NCAPG2: variants seen among roughly 807,000 people sequenced by gnomAD.
The protein encoded by NCAPG2 is non-SMC condensin II complex subunit G2, also known as condensin-2 complex subunit G2.
Under a neutral mutation model 141.1 loss-of-function variants are expected in NCAPG2, and 53 were observed. That is an observed-to-expected ratio of 0.38 (90% CI 0.30 to 0.47). The LOEUF (loss-of-function observed/expected upper bound fraction) is 0.47, where lower values mean the gene tolerates loss of function less well. NCAPG2 is among the 20% of genes least tolerant of loss of function. The pLI is 0.99. For synonymous variants in NCAPG2, 499 were observed against 490.7 expected (o/e 1.02, Z -0.22); for missense variants, 1,087 against 1,389.0 (o/e 0.78, Z 3.46).
At chr7:158,692,515 G>T (rs552513683) in intron 4 of NCAPG2, among the ~76,000 whole-genome samples, 59 of 152,286 alleles carry the variant, frequency 3.9e-4, no homozygotes, top group African/African-American at 1.4e-3. Flanking sequence ...GCTGAGACGG[G>T]TGGATCACCT....
rs572646009 is a variant in NCAPG2, at chr7:158,653,141, G to A, written c.2747-661C>T. 3.3e-4 allele frequency among the ~76,000 whole-genome samples: 50 copies of A among 152,058 alleles called. No homozygotes were observed. The East Asian group carries it at 8.3e-3, about 25-fold the overall frequency. The stretch of plus-strand genomic sequence containing the variant: ...CCCAGCACCTTGAAAGGCCAAGGTG[G>A]GTGGATCACTTGAGTTTGAGACCAG... On this transcript the variant is annotated intron_variant, in intron 22 of 27. Transcript: ENST00000356309.
chr7:158,653,978 CAG>C (rs1563513607), intron 22 of NCAPG2, among the ~76,000 whole-genome samples: 1 of 151,834 alleles, frequency 6.6e-6, no homozygotes, highest in Non-Finnish European at 1.5e-5. Flanking sequence ...GGCTAGGCGT[CAG>C]GGGCCAGGGA....
chr7:158,642,038 T>C (rs971371630), intron 27 of NCAPG2, among the ~76,000 whole-genome samples: 5 of 151,708 alleles, frequency 3.3e-5, no homozygotes. Flanking sequence ...ACAGAAACAA[T>C]ACAATGTCTG....
chr7:158,650,714 T>C, intron 24 of NCAPG2, 118 bp downstream of exon 24: 2 of 1,336,610 alleles, frequency 1.5e-6, no homozygotes, highest in Non-Finnish European at 2.0e-6. Flanking sequence ...CACCACTCAC[T>C]CAAGTTTGAA....
chr7:158,672,854 C>G (rs560180090), intron 12 of NCAPG2, among the ~76,000 whole-genome samples: 1 of 152,310 alleles, frequency 6.6e-6, no homozygotes, highest in Non-Finnish European at 1.5e-5. Context: ...CCTGCCATAA[C>G]ACTGTGTTCT....
At chr7:158,667,205 C>G in intron 13 of NCAPG2, 2 of 985,460 alleles carry the variant, frequency 2.0e-6, no homozygotes, top group Non-Finnish European at 2.4e-6. Context: ...GAAACGCAAA[C>G]GTTCTGCCTT....
chr7:158,667,402 GCC>G (rs1218486706), intron 13 of NCAPG2, among the ~76,000 whole-genome samples: 6 of 21,568 alleles, frequency 2.8e-4, no homozygotes, highest in Admixed American at 4.9e-4. Flanking sequence ...GGGTCCCTCC[GCC>G]CTCCTTACCC....
intron 24 of NCAPG2, among the ~76,000 whole-genome samples, chr7:158,648,496 T>TG (rs1554551592): frequency 9.4e-6 from 1 of 106,536 alleles, no homozygotes; most frequent in Admixed American, 9.1e-5. Context: ...TCAAATGGAC[T>TG]AAAAAAAAAA....
chr7:158,637,144 T>C (rs186280185), intron 27 of NCAPG2, among the ~76,000 whole-genome samples: 2,447 of 152,236 alleles, frequency 0.016, 63 homozygotes, highest in African/African-American at 0.054. Flanking sequence ...AGACGGGGTT[T>C]CACCGTGTTA....
Position 158,662,187 on chromosome 7 carries a change from G to C in NCAPG2, c.1989+7C>G, listed in dbSNP as rs780372366. On this transcript the variant is annotated splice_region_variant and intron_variant, in intron 16 of 27. Transcript: ENST00000356309. ...TACCTTGCTTACAAGTATAGTTCAA[G>C]ACTTACCTTAAATACTTTCAGATAC... 1 of 1,599,822 alleles carries C rather than the reference G, an allele frequency of 6.3e-7. No homozygotes were observed. Among genetic ancestry groups the C allele is most frequent in the Non-Finnish European group, 8.5e-7 (1 of 1,175,984 alleles).
chr7:158,647,479 T>C (rs1304444879), intron 24 of NCAPG2, among the ~76,000 whole-genome samples: 1 of 152,254 alleles, frequency 6.6e-6, no homozygotes, highest in East Asian at 1.9e-4. Flanking sequence ...ATCAGCCTTG[T>C]GAGCTTCGAT....
intron 27 of NCAPG2, among the ~76,000 whole-genome samples, chr7:158,642,572 G>A (rs1830722734): frequency 7.1e-6 from 1 of 141,358 alleles, no homozygotes; most frequent in Non-Finnish European, 1.5e-5. Context: ...GAAGAAAAAG[G>A]ACAAAAAGAT....
chr7:158,685,972 G>T (rs1834730910), intron 8 of NCAPG2, among the ~76,000 whole-genome samples, 200 bp downstream of exon 8: 1 of 152,192 alleles, frequency 6.6e-6, no homozygotes, highest in Non-Finnish European at 1.5e-5. Context: ...CTCCCTCCCA[G>T]CTGAAAGAGC....
At chr7:158,677,774 C>G (rs575938664) in intron 11 of NCAPG2, among the ~76,000 whole-genome samples, 4 of 152,306 alleles carry the variant, frequency 2.6e-5, no homozygotes, top group African/African-American at 9.6e-5. Context: ...ACTTGCAATG[C>G]TGTTTCTGTC....
chr7:158,680,258 T>C (rs1834364749), intron 10 of NCAPG2, among the ~76,000 whole-genome samples, 173 bp from the exon 11 acceptor site: 1 of 152,150 alleles, frequency 6.6e-6, no homozygotes, highest in African/African-American at 2.4e-5. Flanking sequence ...TGTCAACAGA[T>C]ACTATGAAAA....
In NCAPG2 at chr7:158,689,904, A is replaced by G. The variant is rs1835015012; in HGVS notation, c.587T>C (p.Phe196Ser). The G allele has an allele frequency of 1.2e-6, 2 of 1,606,474 alleles. No individual in the cohort carries two copies. The highest frequency in any genetic ancestry group is 1.1e-5 in the South Asian group (1 of 89,240). The change falls in exon 6 of 28, where the codon TTT becomes TCT. Residue 196 changes from phenylalanine to serine, a missense_variant. By Grantham distance (155) the Phe-to-Ser change is radical. Coordinates refer to ENST00000356309, the MANE Select transcript of NCAPG2 (RefSeq NM_017760.7). ...LWRIHQALYC[F>S]DYDLEESGEI... ...TCCACTTTCCTCCAAATCATAATCAAAGCAATATAAAGCTTGATGGATACG... is the reference window on the plus strand; with the variant it reads ...TCCACTTTCCTCCAAATCATAATCAGAGCAATATAAAGCTTGATGGATACG...
At chr7:158,644,910 C>G (rs1830897548) in intron 26 of NCAPG2, among the ~76,000 whole-genome samples, 2 of 152,242 alleles carry the variant, frequency 1.3e-5, no homozygotes, top group Admixed American at 1.3e-4. Flanking sequence ...AGAAGCACTC[C>G]CTATCTACAA....
chr7:158,637,924 A>G (rs1304717757), intron 27 of NCAPG2, among the ~76,000 whole-genome samples: 1 of 152,114 alleles, frequency 6.6e-6, no homozygotes, highest in Non-Finnish European at 1.5e-5. Flanking sequence ...CGGGCGGATC[A>G]CTTGAGGCCA....
intron 8 of NCAPG2, 50 bp from the exon 9 acceptor site, chr7:158,683,436 G>C: frequency 7.3e-7 from 1 of 1,376,086 alleles, no homozygotes; most frequent in Non-Finnish European, 1.0e-6. Context: ...GTGTCCTACT[G>C]ACGACCTGAC....
Sources: gnomAD v4.1 joint callset for allele counts (sites outside exome capture counted in the v4.1 genomes callset) on GRCh38, gnomAD v4.1.1 for gene constraint, MANE v1.5 for transcripts, NCBI Gene and HGNC (gene_info 2026-07-23, HGNC 2026-07-21) for gene names.